The following VGLL3 variants were observed in gnomAD, a reference collection of about 807,000 sequenced individuals.
The protein encoded by VGLL3 is vestigial like family member 3.
A neutral mutation model predicts 29.2 loss-of-function variants in VGLL3; 18 were observed. The ratio of observed to expected loss-of-function variants is 0.62; its 90% CI spans 0.43 to 0.91. The LOEUF is 0.91. VGLL3 is among the 40% of genes least tolerant of loss of function. The pLI is 0.00. For synonymous variants in VGLL3, 180 were observed against 151.8 expected (o/e 1.19, Z -1.36); for missense variants, 440 against 413.2 (o/e 1.06, Z -0.56).
At chr3:86,962,109 A>G in intron 3 of VGLL3, 1 of 985,388 alleles carries the variant, frequency 1.0e-6, no homozygotes, top group Non-Finnish European at 1.2e-6. Context: ...AGACTGATAA[A>G]GGAAAGGGAA....
chr3:86,982,334 C>A (rs915480735), intron 1 of VGLL3, among the ~76,000 whole-genome samples: 1 of 151,760 alleles, frequency 6.6e-6, no homozygotes, highest in African/African-American at 2.4e-5. Flanking sequence ...TTCGTAGAGA[C>A]GGGGTTTCAC....
chr3:86,943,403 G>A lies in VGLL3; in HGVS notation c.*3621C>T, dbSNP rs1438520690. On this transcript the variant is annotated 3_prime_UTR_variant, in exon 4 of 4. Coordinates refer to ENST00000398399, the MANE Select transcript of VGLL3 (RefSeq NM_016206.4). Reference sequence around the variant, plus strand: ...ATAGCAAACTCAAAAGCTAGATAGGGTGACATATTCTGCAAATCTTAGAAT... The same window carrying A: ...ATAGCAAACTCAAAAGCTAGATAGGATGACATATTCTGCAAATCTTAGAAT... 1 of 152,068 alleles carries A rather than the reference G, an allele frequency of 6.6e-6. No homozygotes were observed. The highest frequency in any genetic ancestry group is 1.5e-5 in the Non-Finnish European group (1 of 68,020). The allele number at this position is 152,068 out of a possible 1,614,324, so 9.4% of individuals were successfully genotyped here.
chr3:86,950,450 G>T (rs1209721131), intron 3 of VGLL3, among the ~76,000 whole-genome samples: 2 of 152,156 alleles, frequency 1.3e-5, no homozygotes, highest in African/African-American at 4.8e-5. Context: ...AAAAGAGGTG[G>T]TCTGATGTCA....
chr3:86,986,197 G>C (rs114233040), intron 1 of VGLL3, among the ~76,000 whole-genome samples: 92 of 152,130 alleles, frequency 6.0e-4, no homozygotes, highest in African/African-American at 2.1e-3. Context: ...GGCTTTGTGA[G>C]ATGTGAAATT....
At position 86,978,671 on chromosome 3, in the gene VGLL3, A is replaced by C. The variant is rs747294460; in HGVS notation, c.258T>G (p.Ser86=). 1 of 1,614,024 alleles carries C rather than the reference A, an allele frequency of 6.2e-7. No homozygotes were observed. Among genetic ancestry groups the C allele is most frequent in the African/African-American group, 1.3e-5 (1 of 74,910 alleles). ...DQPAEMEYLN[S]RCVLFTYFQG... The stretch of plus-strand genomic sequence containing the variant: ...GGAAATAAGTGAAAAGGACACAGCG[A>C]GAGTTAAGGTACTCCATCTCGGCAG... Residue 86 remains serine, a synonymous_variant, in exon 2 of 4, where the codon TCT becomes TCG. Coordinates refer to ENST00000398399, the MANE Select transcript of VGLL3 (RefSeq NM_016206.4).
intron 3 of VGLL3, among the ~76,000 whole-genome samples, chr3:86,968,079 G>A (rs190715411): frequency 1.5e-3 from 222 of 151,932 alleles, no homozygotes; most frequent in Non-Finnish European, 2.5e-3. Context: ...GGGAGAGGAG[G>A]AAGAAAATGA....
chr3:86,947,002 T>G lies in VGLL3; in HGVS notation c.*22A>C, dbSNP rs1190749449. ...GGGCCCTTGGATTTATGCTGCAACT[T>G]AACTCACTAAGATTGTGTGTTTCAG... On this transcript the variant is annotated 3_prime_UTR_variant, in exon 4 of 4. Transcript: ENST00000398399. The G allele has an allele frequency of 1.3e-6, 1 of 779,398 alleles. No individual in the cohort carries two copies. Among genetic ancestry groups the G allele is most frequent in the East Asian group, 2.4e-5 (1 of 41,196 alleles). The allele number at this position is 779,398 out of a possible 1,614,324, so 48.3% of individuals were successfully genotyped here.
At chr3:86,977,320 G>A (rs1362900562) in intron 2 of VGLL3, among the ~76,000 whole-genome samples, 1 of 152,104 alleles carries the variant, frequency 6.6e-6, no homozygotes, top group Non-Finnish European at 1.5e-5. Flanking sequence ...GAAAAGATCA[G>A]GCCCAGCAAT....
Position 86,943,376 on chromosome 3 carries a change from A to G in VGLL3, c.*3648T>C, listed in dbSNP as rs1303099633. On this transcript the variant is annotated 3_prime_UTR_variant, in exon 4 of 4. Transcript: ENST00000398399. ...TAAATTATAAATACAACATTAAACC[A>G]GATAGCAAACTCAAAAGCTAGATAG... 3 of 152,200 alleles carry G rather than the reference A, an allele frequency of 2.0e-5. No individual in the cohort carries two copies. The highest frequency in any genetic ancestry group is 4.4e-5 in the Non-Finnish European group (3 of 68,028). 9.4% of individuals were successfully genotyped at this position (152,200 alleles called of 1,614,324 possible). A position where few individuals can be genotyped will look rare whatever the true frequency, so the allele number is the denominator to read the frequency against.
intron 1 of VGLL3, among the ~76,000 whole-genome samples, chr3:86,987,167 A>C (rs1559735985): frequency 2.6e-5 from 4 of 152,180 alleles, no homozygotes; most frequent in Non-Finnish European, 1.5e-5. Flanking sequence ...AGCCCTATAA[A>C]AATCCATTTT....
At position 86,966,773 on chromosome 3, in the gene VGLL3, GTATATATATATATATATATATATA is replaced by G. The variant is rs55986686; in HGVS notation, c.937+1793_937+1816del. On this transcript the variant is annotated intron_variant, in intron 3 of 3. Transcript: ENST00000398399. ...GAACTTAAAGTAATAGTGTGTGTGT[GTATATATATATATATATATATATA>G]TATATATATATATATATATATATAT... 8.2e-3 allele frequency among the ~76,000 whole-genome samples: 311 copies of G among 38,006 alleles called. 3 individuals are homozygous for G. The highest frequency in any genetic ancestry group is 0.023 in the African/African-American group (255 of 10,960). 24.9% of individuals were successfully genotyped at this position (38,006 alleles called of 152,430 possible). A position where few individuals can be genotyped will look rare whatever the true frequency, so the allele number is the denominator to read the frequency against.
At chr3:86,963,652 C>A (rs556682594) in intron 3 of VGLL3, among the ~76,000 whole-genome samples, 1 of 152,256 alleles carries the variant, frequency 6.6e-6, no homozygotes, top group African/African-American at 2.4e-5. Flanking sequence ...TCTTACATAG[C>A]TAGAATTTAC....
At position 86,945,114 on chromosome 3, in the gene VGLL3, G is replaced by A. The variant is rs1033711855; in HGVS notation, c.*1910C>T. 6.6e-6 allele frequency: 1 copy of A among 152,120 alleles called. No homozygotes were observed. Among genetic ancestry groups the A allele is most frequent in the Non-Finnish European group, 1.5e-5 (1 of 68,032 alleles). 9.4% of individuals were successfully genotyped at this position (152,120 alleles called of 1,614,324 possible). ...AAGTTCATATTATTAGTGAGTGGAA[G>A]GTATCTTAAATTTGGACCCCACAAT... On this transcript the variant is annotated 3_prime_UTR_variant, in exon 4 of 4. Coordinates refer to ENST00000398399, the MANE Select transcript of VGLL3 (RefSeq NM_016206.4).
At position 86,974,536 on chromosome 3, in the gene VGLL3, A is replaced by G. The variant is rs925278381; in HGVS notation, c.403+3990T>C. 9.2e-5 allele frequency among the ~76,000 whole-genome samples: 14 copies of G among 152,272 alleles called. 1 individual carries two copies. In the South Asian group the frequency reaches 2.3e-3, roughly 25 times the overall value. On this transcript the variant is annotated intron_variant, in intron 2 of 3. Coordinates refer to ENST00000398399, the MANE Select transcript of VGLL3 (RefSeq NM_016206.4). ...AAGTAAAATACATATACTTCCTATCATTGTTTGCCTTACAGCTGAAAAACA... is the reference window on the plus strand; with the variant it reads ...AAGTAAAATACATATACTTCCTATCGTTGTTTGCCTTACAGCTGAAAAACA...
Position 86,956,649 on chromosome 3 carries a change from G to T in VGLL3, c.938-9582C>A, listed in dbSNP as rs544019399. Among the ~76,000 whole-genome samples the T allele has an allele frequency of 3.4e-3, 521 of 152,198 alleles. 5 individuals carry two copies. Among genetic ancestry groups the T allele is most frequent in the South Asian group, 0.02 (95 of 4,830 alleles). ...AAAATACAAAAAATTAGCCGGGCAT[G>T]TTGGCGGCGCCTGTAGTCCCAGCTA... On this transcript the variant is annotated intron_variant, in intron 3 of 3. Transcript: ENST00000398399.
chr3:86,984,801 A>G (rs931292392), intron 1 of VGLL3, among the ~76,000 whole-genome samples: 2 of 152,146 alleles, frequency 1.3e-5, no homozygotes, highest in African/African-American at 4.8e-5. Flanking sequence ...AGTTAATTGG[A>G]AGAGTATAGT....
At chr3:86,971,620 T>C (rs1163547570) in intron 2 of VGLL3, among the ~76,000 whole-genome samples, 1 of 152,226 alleles carries the variant, frequency 6.6e-6, no homozygotes, top group East Asian at 1.9e-4. Flanking sequence ...TTGAGGTAAC[T>C]ATGTTTTCTT....
intron 1 of VGLL3, 193 bp downstream of exon 1, chr3:86,990,425 C>T (rs1705554318): frequency 1.0e-6 from 1 of 979,354 alleles, no homozygotes; most frequent in Non-Finnish European, 1.2e-6. Flanking sequence ...CTAGGTCATG[C>T]CTCACCCACC....
chr3:86,980,238 T>C (rs1705296725), intron 1 of VGLL3, among the ~76,000 whole-genome samples: 1 of 151,816 alleles, frequency 6.6e-6, no homozygotes, highest in Non-Finnish European at 1.5e-5. Flanking sequence ...GCAAAATACA[T>C]ACCCCAGACT....
Sources: allele counts gnomAD v4.1 joint callset (sites outside exome capture counted in the v4.1 genomes callset), GRCh38; gene constraint gnomAD v4.1.1; transcripts MANE v1.5; gene names NCBI Gene and HGNC (gene_info 2026-07-23, HGNC 2026-07-21).